FGF13: variants seen among roughly 807,000 people sequenced by gnomAD.
FGF13 encodes the protein fibroblast growth factor homologous factor 2.
Under a neutral mutation model 19.5 loss-of-function variants are expected in FGF13, and 2 were observed. The ratio of observed to expected loss-of-function variants is 0.10; its 90% CI spans 0.04 to 0.32. The LOEUF is 0.32. Among genes scored for constraint, FGF13 ranks in the 10% least tolerant of loss-of-function variants. The pLI, the probability that FGF13 is intolerant of heterozygous loss-of-function variation, is 1.00. For missense variants in FGF13, 113 were observed against 192.7 expected, an observed-to-expected ratio of 0.59 and a Z score of 2.45; for synonymous variants, 72 against 76.9, an observed-to-expected ratio of 0.94 and a Z score of 0.33.
At chrX:139,027,784 T>C (rs1417810089) in intron 1 of FGF13, among the ~76,000 whole-genome samples, 1 of 110,656 alleles carries the variant, frequency 9.0e-6, no homozygotes, top group Non-Finnish European at 1.9e-5. Flanking sequence ...AACAGAAAAA[T>C]TCAGGCAGAC....
chrX:138,878,038 T>G (rs1274109851), intron 1 of FGF13, among the ~76,000 whole-genome samples: 1 of 111,848 alleles, frequency 8.9e-6, no homozygotes, highest in East Asian at 2.8e-4. Context: ...CCATTTTACA[T>G]TTCCACCAAC....
intron 1 of FGF13, among the ~76,000 whole-genome samples, chrX:139,013,651 G>T (rs1475182050): frequency 1.9e-5 from 2 of 107,014 alleles, no homozygotes; most frequent in African/African-American, 6.8e-5. Context: ...CAAACACTGT[G>T]TATTCTCACT....
chrX:138,873,962 T>C (rs1395039542), intron 1 of FGF13, among the ~76,000 whole-genome samples: 2 of 80,997 alleles, frequency 2.5e-5, no homozygotes, highest in South Asian at 8.5e-4. Context: ...ATGAGGACAC[T>C]TGGACACAGG....
intron 1 of FGF13, among the ~76,000 whole-genome samples, chrX:139,178,505 A>G (rs781078751): frequency 8.9e-6 from 1 of 112,053 alleles, no homozygotes; most frequent in Admixed American, 9.4e-5. Context: ...CACCAATCCC[A>G]TCACAAACTT....
At chrX:138,782,465 T>C (rs770458256) in intron 3 of FGF13, among the ~76,000 whole-genome samples, 33 of 110,620 alleles carry the variant, frequency 3.0e-4, no homozygotes, top group Non-Finnish European at 6.2e-4. Context: ...TTCAGCAAAG[T>C]CTCAGGATAC....
intron 3 of FGF13, among the ~76,000 whole-genome samples, chrX:138,759,198 C>T (rs563938660): frequency 2.6e-4 from 29 of 112,292 alleles, no homozygotes; most frequent in Non-Finnish European, 4.7e-4. Context: ...GATGGCATCA[C>T]GTATCTGACA....
At chrX:139,157,427 C>T (rs1029956352) in intron 1 of FGF13, among the ~76,000 whole-genome samples, 7 of 111,660 alleles carry the variant, frequency 6.3e-5, no homozygotes, top group African/African-American at 2.3e-4. Context: ...ATACTTCTAC[C>T]CTCATAAAGG....
intron 3 of FGF13, among the ~76,000 whole-genome samples, chrX:138,762,184 T>A (rs2090472291): frequency 9.1e-6 from 1 of 109,617 alleles, no homozygotes; most frequent in African/African-American, 3.4e-5. Context: ...CATGTGGCAA[T>A]CTCATCTCAT....
chrX:139,202,023 G>A (rs1288646930), intron 1 of FGF13, among the ~76,000 whole-genome samples: 2 of 112,055 alleles, frequency 1.8e-5, no homozygotes, highest in African/African-American at 6.5e-5. Flanking sequence ...TTTCAAATGT[G>A]GTGAGTCAAC....
chrX:138,901,669 AT>A (rs1438931996), intron 1 of FGF13, among the ~76,000 whole-genome samples: 1 of 111,794 alleles, frequency 8.9e-6, no homozygotes, highest in African/African-American at 3.3e-5. Context: ...ATGGAGTAGT[AT>A]TTTTAAAGTA....
At chrX:138,942,113 G>A (rs1231043568) in intron 1 of FGF13, among the ~76,000 whole-genome samples, 1 of 111,941 alleles carries the variant, frequency 8.9e-6, no homozygotes, top group Non-Finnish European at 1.9e-5. Flanking sequence ...TCTCGCATGG[G>A]GAGATGGGTT....
At chrX:138,717,516 T>A (rs1352851436) in intron 1 of FGF13, among the ~76,000 whole-genome samples, 1 of 111,330 alleles carries the variant, frequency 9.0e-6, no homozygotes, top group Non-Finnish European at 1.9e-5. Flanking sequence ...CAAGAAGTAA[T>A]CACTAGGAGA....
chrX:138,917,910 G>A (rs747291408), intron 1 of FGF13, among the ~76,000 whole-genome samples: 1 of 111,117 alleles, frequency 9.0e-6, no homozygotes, highest in Non-Finnish European at 1.9e-5. Flanking sequence ...TCGAAAGGAG[G>A]TTCTATTTTC....
intron 3 of FGF13, among the ~76,000 whole-genome samples, chrX:138,748,755 C>T (rs759850138): frequency 1.8e-5 from 2 of 111,276 alleles, no homozygotes; most frequent in Non-Finnish European, 3.8e-5. Flanking sequence ...GTTTTAAAAA[C>T]GGAAATCCAC....
At chrX:138,988,833 A>T (rs1453445725) in intron 1 of FGF13, among the ~76,000 whole-genome samples, 2 of 112,227 alleles carry the variant, frequency 1.8e-5, no homozygotes, top group Non-Finnish European at 3.8e-5. Context: ...CACCATTCTG[A>T]GCATGCTTGC....
chrX:138,760,665 T>G (rs755881637), intron 3 of FGF13, among the ~76,000 whole-genome samples: 3 of 112,036 alleles, frequency 2.7e-5, no homozygotes, highest in African/African-American at 9.7e-5. Flanking sequence ...GCTCAGCAAG[T>G]TTAACTACTT....
intron 3 of FGF13, among the ~76,000 whole-genome samples, chrX:138,814,502 T>C (rs1208535133): frequency 9.0e-6 from 1 of 110,714 alleles, no homozygotes; most frequent in African/African-American, 3.3e-5. Context: ...AACAACTCAA[T>C]AGCAAGAAAA....
intron 2 of FGF13, among the ~76,000 whole-genome samples, chrX:138,858,729 T>A (rs2091272100): frequency 9.3e-6 from 1 of 108,049 alleles, no homozygotes; most frequent in Non-Finnish European, 1.9e-5. Flanking sequence ...AAATTTCTTG[T>A]GGGGTGAATA....
chrX:138,807,094 G>C (rs2090874285), intron 3 of FGF13: 2 of 111,069 alleles, frequency 1.8e-5, no homozygotes. Flanking sequence ...AGACTCACCA[G>C]ACCTTGAACC....
Sources: allele counts gnomAD v4.1 joint callset (sites outside exome capture counted in the v4.1 genomes callset), GRCh38; gene constraint gnomAD v4.1.1; transcripts MANE v1.5; gene names NCBI Gene and HGNC (gene_info 2026-07-23, HGNC 2026-07-21).